PEPD: variants seen among roughly 807,000 people sequenced by gnomAD.
The protein encoded by PEPD is xaa-Pro dipeptidase.
Under a neutral mutation model 60.7 loss-of-function variants are expected in PEPD, and 53 were observed. The ratio of observed to expected loss-of-function variants is 0.87; its 90% CI spans 0.70 to 1.10. The LOEUF is 1.10. PEPD is among the 50% of genes least tolerant of loss of function. The probability of loss-of-function intolerance (pLI) is 0.00; values close to 1 mark genes in which losing one functional copy is unlikely to be tolerated. For missense variants in PEPD, 711 were observed against 711.9 expected, an observed-to-expected ratio of 1.00 and a Z score of 0.01; for synonymous variants, 267 against 284.1, an observed-to-expected ratio of 0.94 and a Z score of 0.60.
intron 9 of PEPD, among the ~76,000 whole-genome samples, chr19:33,455,169 TTAAG>T (rs1325918481): frequency 5.9e-5 from 9 of 152,296 alleles, no homozygotes; most frequent in South Asian, 2.1e-4. Flanking sequence ...AAGATAATAA[TTAAG>T]TATCAATAAC....
intron 6 of PEPD, among the ~76,000 whole-genome samples, 155 bp downstream of exon 6, chr19:33,489,841 G>C (rs1243669441): frequency 2.0e-5 from 3 of 152,104 alleles, no homozygotes; most frequent in African/African-American, 4.8e-5. Flanking sequence ...GTGATTTTTG[G>C]CAAATTATGC....
chr19:33,497,668 G>A (rs34271491), intron 4 of PEPD, among the ~76,000 whole-genome samples: 1 of 152,200 alleles, frequency 6.6e-6, no homozygotes, highest in South Asian at 2.1e-4. Context: ...ATGGGGCTGA[G>A]CACTGCAGAA....
rs540619822 is a variant in PEPD at position 33,389,399 on chromosome 19, C to A, written c.1153-1318G>T. 1.3e-4 allele frequency among the ~76,000 whole-genome samples: 20 copies of A among 152,340 alleles called. 1 individual carries two copies. The South Asian group carries it at 4.1e-3, about 32-fold the overall frequency. ...TGCGCAGGTGAGAGGTGCATGTGGA[C>A]CGAGCTGGGGCCTGTCTCCTGCCCA... On this transcript the variant is annotated intron_variant, in intron 13 of 14. Transcript: ENST00000244137.
At chr19:33,444,353 G>A (rs1050905554) in intron 9 of PEPD, among the ~76,000 whole-genome samples, 2 of 152,098 alleles carry the variant, frequency 1.3e-5, no homozygotes, top group African/African-American at 4.8e-5. Context: ...TGTGGGCAGA[G>A]CCTCAGAGGT....
At chr19:33,510,014 G>A (rs1284735396) in intron 3 of PEPD, among the ~76,000 whole-genome samples, 2 of 152,214 alleles carry the variant, frequency 1.3e-5, no homozygotes, top group Non-Finnish European at 2.9e-5. Context: ...TCAGAGAGGC[G>A]GTTCCCCGAT....
chr19:33,497,147 T>C (rs1600163496), intron 4 of PEPD, among the ~76,000 whole-genome samples: 1 of 152,288 alleles, frequency 6.6e-6, no homozygotes. Flanking sequence ...GTGTGGCTAC[T>C]CCTGAACAAT....
intron 9 of PEPD, among the ~76,000 whole-genome samples, chr19:33,418,486 G>A (rs568089100): frequency 2.6e-5 from 4 of 152,310 alleles, no homozygotes; most frequent in South Asian, 4.1e-4. Context: ...CCAGAAGCAC[G>A]TACTACATTC....
intron 7 of PEPD, among the ~76,000 whole-genome samples, chr19:33,476,163 C>T (rs1970210015): frequency 1.3e-5 from 2 of 152,082 alleles, no homozygotes; most frequent in African/African-American, 4.8e-5. Flanking sequence ...ACCAGCTTGG[C>T]TTTGTTACTT....
chr19:33,477,506 G>T (rs1040476157), intron 7 of PEPD, among the ~76,000 whole-genome samples: 2 of 152,212 alleles, frequency 1.3e-5, no homozygotes, highest in Non-Finnish European at 2.9e-5. Flanking sequence ...GTGGCACACT[G>T]GGATGCGAGG....
chr19:33,493,278 C>A lies in PEPD; in HGVS notation c.441+12G>T, dbSNP rs767504458. On this transcript the variant is annotated intron_variant, in intron 5 of 14. Coordinates refer to ENST00000244137, the MANE Select transcript of PEPD (RefSeq NM_000285.4). ...CCAAGCACTGCCCCACCCCTGGACA[C>A]CAGCCACTTACCAAAGTGAGGAGGA... 6.2e-7 allele frequency: 1 copy of A among 1,603,766 alleles called. No individual in the cohort carries two copies.
intron 3 of PEPD, 147 bp from the exon 4 acceptor site, chr19:33,501,148 A>C (rs373378841): frequency 1.4e-6 from 1 of 712,732 alleles, no homozygotes. Flanking sequence ...GGCACCGAAC[A>C]GGTCGGCCCA....
In PEPD at chr19:33,411,699, T is replaced by C; in HGVS notation, c.791A>G (p.Asp264Gly). The change falls in exon 11 of 15, where the codon GAC (aspartate) becomes GGC (glycine). Residue 264 changes from aspartate to glycine, a missense_variant. By Grantham distance (94) the Asp-to-Gly change is moderately conservative. Coordinates refer to ENST00000244137, the MANE Select transcript of PEPD (RefSeq NM_000285.4). ...CATATCCCCATTCTGGATCGTTCGGTCGTTGGGAGCTCCGGCGTGTCCGTA... is the reference window on the plus strand; with the variant it reads ...CATATCCCCATTCTGGATCGTTCGGCCGTTGGGAGCTCCGGCGTGTCCGTA... ...LHYGHAGAPN[D>G]RTIQNGDMCL... is the part of the protein sequence containing the mutation. 6.2e-7 allele frequency: 1 copy of C among 1,610,458 alleles called. No homozygotes were observed. Among genetic ancestry groups the C allele is most frequent in the Non-Finnish European group, 8.5e-7 (1 of 1,177,014 alleles).
chr19:33,502,953 G>A (rs1003510907), intron 3 of PEPD, among the ~76,000 whole-genome samples: 8 of 59,496 alleles, frequency 1.3e-4, no homozygotes, highest in African/African-American at 3.0e-4. Flanking sequence ...ACTGGGGGGC[G>A]GGGGGGGGTG....
chr19:33,439,066 C>T (rs985521537), intron 9 of PEPD, among the ~76,000 whole-genome samples: 2 of 152,228 alleles, frequency 1.3e-5, no homozygotes, highest in East Asian at 3.9e-4. Context: ...CACAGTTCTC[C>T]TCCCTGGCAG....
chr19:33,479,141 A>C (rs2145299468), intron 6 of PEPD, among the ~76,000 whole-genome samples: 1 of 152,320 alleles, frequency 6.6e-6, no homozygotes, highest in East Asian at 1.9e-4. Flanking sequence ...TGCAAACTAG[A>C]TTTTCAAGTT....
chr19:33,408,830 C>T lies in PEPD; in HGVS notation c.818+2842G>A, dbSNP rs141348405. Among the ~76,000 whole-genome samples the T allele has an allele frequency of 3.8e-4, 58 of 152,242 alleles. 1 individual carries two copies. In the East Asian group the frequency reaches 9.6e-3, roughly 25 times the overall value. On this transcript the variant is annotated intron_variant, in intron 11 of 14. Transcript: ENST00000244137. ...ACAGACTGATTTATTATTTACCGAA[C>T]GCAGTAGGCGCTCGGCAGATCAATT...
intron 3 of PEPD, among the ~76,000 whole-genome samples, chr19:33,505,034 C>T (rs1038502372): frequency 1.3e-5 from 2 of 152,142 alleles, no homozygotes; most frequent in Non-Finnish European, 2.9e-5. Context: ...CTGTGGGGGC[C>T]ACGGGTGGGA....
intron 7 of PEPD, among the ~76,000 whole-genome samples, chr19:33,467,314 C>T (rs1174118713): frequency 2.0e-5 from 3 of 151,914 alleles, no homozygotes; most frequent in African/African-American, 4.8e-5. Context: ...GCATAGACCA[C>T]GGTCACAGTC....
At chr19:33,489,191 T>C (rs1970451738) in intron 6 of PEPD, among the ~76,000 whole-genome samples, 1 of 152,118 alleles carries the variant, frequency 6.6e-6, no homozygotes, top group African/African-American at 2.4e-5. Flanking sequence ...GGGAACCGCT[T>C]CCCAAGCAGG....
Sources: allele counts gnomAD v4.1 joint callset (sites outside exome capture counted in the v4.1 genomes callset), GRCh38; gene constraint gnomAD v4.1.1; transcripts MANE v1.5; gene names NCBI Gene and HGNC (gene_info 2026-07-23, HGNC 2026-07-21).